The following TICAM1 variants were observed in gnomAD, a reference collection of about 807,000 sequenced individuals.
TICAM1 encodes TIR domain containing adaptor molecule 1.
For synonymous variants in TICAM1, 439 were observed against 415.4 expected (o/e 1.06, Z -0.69); for missense variants, 895 against 938.2 (o/e 0.95, Z 0.60).
chr19:4,817,092 T>C lies in TICAM1; in HGVS notation c.1286A>G (p.Glu429Gly). 1 of 1,614,142 alleles carries C rather than the reference T, an allele frequency of 6.2e-7. No homozygotes were observed. The highest frequency in any genetic ancestry group is 8.5e-7 in the Non-Finnish European group (1 of 1,180,024). Residue 429 changes from glutamate (E) to glycine (G), a missense_variant, in exon 2 of 2, where the codon GAG becomes GGG. Transcript: ENST00000248244. This position sits in a 1 kb window ranked among gnomAD's most constrained non-coding sequence, Gnocchi z 4.7. ...LGVPDGATFC[E>G]DFQVPGRGEL... ...CCCGCGCCCCGGCACCTGGAAATCC[T>C]CGCAGAAGGTGGCCCCGTCGGGCAC...
chr19:4,824,496 G>A (rs1256281427), intron 1 of TICAM1, among the ~76,000 whole-genome samples: 6 of 151,300 alleles, frequency 4.0e-5, no homozygotes, highest in Admixed American at 3.3e-4. Flanking sequence ...CACTATGCCC[G>A]GCTAATTTTT....
chr19:4,816,291 C>T lies in TICAM1; in HGVS notation c.2087G>A (p.Trp696Ter). Residue 696 changes from tryptophan to a stop codon, truncating the protein, a stop_gained, in exon 2 of 2, where the codon TGG becomes TAG. Transcript: ENST00000248244. LOFTEE classifies it low-confidence loss of function (END_TRUNC). This position sits in a 1 kb window ranked among gnomAD's most constrained non-coding sequence, Gnocchi z 4.3. ...MVQLGLNNHM[W>*]NQRGSQAPED... Reference sequence around the variant, plus strand: ...GGGCGCCTGGGACCCTCTCTGGTTCCACATGTGGTTGTTCAGCCCCAGCTG... The same window carrying T: ...GGGCGCCTGGGACCCTCTCTGGTTCTACATGTGGTTGTTCAGCCCCAGCTG... 1 of 1,521,806 alleles carries T rather than the reference C, an allele frequency of 6.6e-7. No homozygotes were observed. The highest frequency in any genetic ancestry group is 8.8e-7 in the Non-Finnish European group (1 of 1,136,070). 94.3% of individuals were successfully genotyped at this position (1,521,806 alleles called of 1,614,324 possible). A position where few individuals can be genotyped will look rare whatever the true frequency, so the allele number is the denominator to read the frequency against.
chr19:4,820,101 T>A (rs1441149655), intron 1 of TICAM1, among the ~76,000 whole-genome samples: 3 of 151,998 alleles, frequency 2.0e-5, no homozygotes, highest in African/African-American at 7.3e-5. Context: ...TCAATTCCAA[T>A]ATTTTTAAGA....
In TICAM1 at chr19:4,827,372, C is replaced by CAAAAAAAAAAA. The variant is rs57574607; in HGVS notation, c.-140+4231_-140+4241dup. Reference sequence around the variant, plus strand: ...GGCTACAAGAGTGAAACTCTGTCTCCAAAAAAAAAAAAAAAAAAAAAAAAA... The same window carrying CAAAAAAAAAAA: ...GGCTACAAGAGTGAAACTCTGTCTCCAAAAAAAAAAAAAAAAAAAAAAAAAAAAAAAAAAAA... On this transcript the variant is annotated intron_variant, in intron 1 of 1. Coordinates refer to ENST00000248244, the MANE Select transcript of TICAM1 (RefSeq NM_182919.4). Among the ~76,000 whole-genome samples, 54 of 54,176 alleles carry CAAAAAAAAAAA rather than the reference C, an allele frequency of 1.0e-3. 1 individual carries two copies. Among genetic ancestry groups the CAAAAAAAAAAA allele is most frequent in the East Asian group, 2.3e-3 (3 of 1,310 alleles). 35.5% of individuals were successfully genotyped at this position (54,176 alleles called of 152,430 possible). A position where few individuals can be genotyped will look rare whatever the true frequency, so the allele number is the denominator to read the frequency against.
chr19:4,828,453 T>C (rs952436602), intron 1 of TICAM1, among the ~76,000 whole-genome samples: 4 of 151,632 alleles, frequency 2.6e-5, no homozygotes, highest in Non-Finnish European at 4.4e-5. Context: ...GCCCAAGCGA[T>C]CCTCCCACCT....
At chr19:4,827,689 C>A (rs1241802356) in intron 1 of TICAM1, among the ~76,000 whole-genome samples, 1 of 146,504 alleles carries the variant, frequency 6.8e-6, no homozygotes, top group Non-Finnish European at 1.5e-5. Flanking sequence ...ACCTGGGAGG[C>A]GGAGCTTGCA....
Position 4,818,369 on chromosome 19 carries a change from GCAGGCCATGGGCA to G in TICAM1, c.-5_8del, listed in dbSNP as rs2093591572. 1 of 1,594,774 alleles carries G rather than the reference GCAGGCCATGGGCA, an allele frequency of 6.3e-7. No individual in the cohort carries two copies. Among genetic ancestry groups the G allele is most frequent in the Non-Finnish European group, 8.5e-7 (1 of 1,170,790 alleles). On this transcript the variant is annotated start_lost and 5_prime_UTR_variant, in exon 2 of 2. Transcript: ENST00000248244. This position sits in a 1 kb window ranked among gnomAD's most constrained non-coding sequence, Gnocchi z 4.0. Reference sequence around the variant, plus strand: ...AGGCGCTAGGAAGTGATGGGCCTGTGCAGGCCATGGGCACAGGTGGGTGCAGCCTCCGGCAGCA... The same window carrying G: ...AGGCGCTAGGAAGTGATGGGCCTGTGCAGGTGGGTGCAGCCTCCGGCAGCA...
chr19:4,821,154 C>T (rs186992174), intron 1 of TICAM1, among the ~76,000 whole-genome samples: 29 of 151,836 alleles, frequency 1.9e-4, no homozygotes, highest in Admixed American at 1.6e-3. Context: ...CGAGATCACG[C>T]CACTGCATTC....
intron 1 of TICAM1, among the ~76,000 whole-genome samples, chr19:4,822,403 C>T (rs1348897945): frequency 1.3e-5 from 2 of 151,824 alleles, no homozygotes; most frequent in East Asian, 1.9e-4. Flanking sequence ...CCACCACGCC[C>T]AGCTAATTTT....
chr19:4,829,875 G>A (rs1367815377), intron 1 of TICAM1, among the ~76,000 whole-genome samples: 1 of 135,572 alleles, frequency 7.4e-6, no homozygotes, highest in African/African-American at 2.8e-5. Flanking sequence ...CAGTGGCGTG[G>A]TCTGGGCTCA....
chr19:4,818,345 G>A lies in TICAM1; in HGVS notation c.33C>T (p.Ala11=). Residue 11 remains alanine, a synonymous_variant, in exon 2 of 2, where the codon GCC becomes GCT. Coordinates refer to ENST00000248244, the MANE Select transcript of TICAM1 (RefSeq NM_182919.4). The surrounding 1 kb of genome is among the most constrained non-coding windows in gnomAD (Gnocchi z 4.0). ...GGCCTGCTGCACCTAGAATGTCGAA[G>A]GCGCTAGGAAGTGATGGGCCTGTGC... MACTGPSLPS[A]FDILGAAGQD... is the part of the protein sequence containing the mutation. The A allele has an allele frequency of 6.2e-7, 1 of 1,610,578 alleles. No individual in the cohort carries two copies. Among genetic ancestry groups the A allele is most frequent in the Non-Finnish European group, 8.5e-7 (1 of 1,178,804 alleles).
intron 1 of TICAM1, among the ~76,000 whole-genome samples, chr19:4,819,529 T>A (rs570080051): frequency 9.3e-4 from 142 of 152,260 alleles, no homozygotes; most frequent in African/African-American, 3.3e-3. Context: ...AACACAGAGA[T>A]ACTTCTGAGC....
At chr19:4,827,372 CAAAAAAAAAAAAAAA>C (rs57574607) in intron 1 of TICAM1, among the ~76,000 whole-genome samples, 15 of 54,174 alleles carry the variant, frequency 2.8e-4, no homozygotes, top group African/African-American at 7.3e-4. Context: ...ACTCTGTCTC[CAAAAAAAAAAAAAAA>C]AAAAAAAAAA....
intron 1 of TICAM1, among the ~76,000 whole-genome samples, chr19:4,825,925 C>T (rs191793499): frequency 2.6e-5 from 4 of 151,936 alleles, no homozygotes; most frequent in Admixed American, 2.0e-4. Context: ...CACCATTGCA[C>T]TCCAGCCTGG....
Position 4,816,735 on chromosome 19 carries a change from G to A in TICAM1, c.1643C>T (p.Ala548Val). 1 of 1,613,872 alleles carries A rather than the reference G, an allele frequency of 6.2e-7. No individual in the cohort carries two copies. Among genetic ancestry groups the A allele is most frequent in the South Asian group, 1.1e-5 (1 of 91,084 alleles). ...CAGGTGTTGGCTCTGTTCCCGCAGG[G>A]CTCGGGTGTCCTGTTCCTTCCTCCA... is the stretch of plus-strand genomic sequence containing the variant. ...AMWRKEQDTR[A>V]LREQSQHLDG... is the part of the protein sequence containing the mutation. The change falls in exon 2 of 2, where the codon GCC becomes GTC. Residue 548 changes from alanine (A) to valine (V), a missense_variant. By Grantham distance (64) the Ala-to-Val change is moderately conservative. Transcript: ENST00000248244. This position sits in a 1 kb window ranked among gnomAD's most constrained non-coding sequence, Gnocchi z 4.3.
At chr19:4,819,432 G>A (rs1477991628) in intron 1 of TICAM1, among the ~76,000 whole-genome samples, 1 of 152,196 alleles carries the variant, frequency 6.6e-6, no homozygotes, top group South Asian at 2.1e-4. Flanking sequence ...GGCAGAAGAC[G>A]GATTTCAACC....
In TICAM1 at chr19:4,817,906, G is replaced by A; in HGVS notation, c.472C>T (p.Leu158Phe). 2 of 1,613,910 alleles carry A rather than the reference G, an allele frequency of 1.2e-6. No individual in the cohort carries two copies. Among genetic ancestry groups the A allele is most frequent in the East Asian group, 4.5e-5 (2 of 44,874 alleles). The change falls in exon 2 of 2, where the codon CTC becomes TTC. Residue 158 changes from leucine to phenylalanine, a missense_variant. Leu to Phe is a conservative substitution (Grantham distance 22). Transcript: ENST00000248244. The surrounding 1 kb of genome is among the most constrained non-coding windows in gnomAD (Gnocchi z 4.7). ...GGGAGGCAGCCCAGATTGGACTGGA[G>A]CGTCCGGATGCTCCCTGGATCCCCA... ...IAGDPGSIRT[L>F]QSNLGCLPPS...
rs758048210 is a variant in TICAM1, at chr19:4,817,111, C to T, written c.1267G>A (p.Asp423Asn). 2.6e-5 allele frequency: 42 copies of T among 1,614,130 alleles called. No homozygotes were observed. The highest frequency in any genetic ancestry group is 3.4e-5 in the Non-Finnish European group (40 of 1,180,030). Residue 423 changes from aspartate to asparagine, a missense_variant, in exon 2 of 2, where the codon GAC becomes AAC. Physicochemically the swap from Asp to Asn is conservative, Grantham distance 23. Coordinates refer to ENST00000248244, the MANE Select transcript of TICAM1 (RefSeq NM_182919.4). This position sits in a 1 kb window ranked among gnomAD's most constrained non-coding sequence, Gnocchi z 4.7. ...AAATCCTCGCAGAAGGTGGCCCCGT[C>T]GGGCACGCCAAGGGCCTCCAGCTTC... ...REKLEALGVP[D>N]GATFCEDFQV...
intron 1 of TICAM1, among the ~76,000 whole-genome samples, chr19:4,830,765 G>T (rs775013214): frequency 5.9e-5 from 9 of 152,196 alleles, no homozygotes; most frequent in Non-Finnish European, 1.2e-4. Context: ...GGGCTACAGG[G>T]GACCACGGTG....
Sources: allele counts gnomAD v4.1 joint callset (sites outside exome capture counted in the v4.1 genomes callset), GRCh38; gene constraint gnomAD v4.1.1; non-coding constraint Gnocchi (gnomAD v3.1); transcripts MANE v1.5; gene names NCBI Gene and HGNC (gene_info 2026-07-23, HGNC 2026-07-21).